Variants in ADGRL4 observed in about 807,000 individuals in gnomAD.
ADGRL4 encodes EGF, latrophilin and seven transmembrane domain containing 1.
In ADGRL4, 90 loss-of-function variants were observed where a neutral mutation model predicts 74.8. The observed-to-expected ratio is 1.20, with a 90% CI of 1.02 to 1.43. ADGRL4 has a LOEUF of 1.43. Among genes scored for constraint, ADGRL4 ranks in the 40% most tolerant of loss-of-function variants. The pLI, the probability that ADGRL4 is intolerant of heterozygous loss-of-function variation, is 0.00. For synonymous variants in ADGRL4, 311 were observed against 279.2 expected (o/e 1.11, Z -1.14); for missense variants, 881 against 814.3 (o/e 1.08, Z -1.00).
intron 2 of ADGRL4, among the ~76,000 whole-genome samples, chr1:78,968,644 T>C (rs771930213): frequency 6.6e-6 from 1 of 152,140 alleles, no homozygotes; most frequent in South Asian, 2.1e-4. Context: ...CTACTCTTTA[T>C]AGCACCTTCT....
chr1:78,978,669 T>C (rs1169637765), intron 2 of ADGRL4, among the ~76,000 whole-genome samples: 1 of 151,942 alleles, frequency 6.6e-6, no homozygotes, highest in East Asian at 1.9e-4. Context: ...ACTTTCCCAT[T>C]GTTGAAATCT....
At chr1:78,892,242 A>G (rs1437184680) in intron 13 of ADGRL4, among the ~76,000 whole-genome samples, 8 of 152,298 alleles carry the variant, frequency 5.3e-5, no homozygotes, top group South Asian at 2.1e-4. Context: ...CAATACAAAA[A>G]TATGTCAAAA....
intron 2 of ADGRL4, among the ~76,000 whole-genome samples, chr1:78,980,770 G>A (rs1446555268): frequency 2.0e-5 from 3 of 151,958 alleles, no homozygotes; most frequent in African/African-American, 7.2e-5. Flanking sequence ...CCACAGAGAT[G>A]AGAAACTACA....
chr1:78,983,914 T>A (rs1406416827), intron 2 of ADGRL4, among the ~76,000 whole-genome samples: 1 of 151,796 alleles, frequency 6.6e-6, no homozygotes, highest in Non-Finnish European at 1.5e-5. Context: ...TAGGAAAAAG[T>A]ATCTGTAAAC....
intron 12 of ADGRL4, among the ~76,000 whole-genome samples, chr1:78,908,258 C>T (rs1648686484): frequency 6.6e-6 from 1 of 151,886 alleles, no homozygotes; most frequent in Non-Finnish European, 1.5e-5. Context: ...GATCAGAAGT[C>T]CAAAGGTGAT....
At chr1:79,004,538 T>C (rs1368344068) in intron 2 of ADGRL4, among the ~76,000 whole-genome samples, 1 of 152,160 alleles carries the variant, frequency 6.6e-6, no homozygotes, top group Non-Finnish European at 1.5e-5. Context: ...TATAATCTAC[T>C]TTTTCAAAAG....
rs562450565 is a variant in ADGRL4 at position 78,940,809 on chromosome 1, C to T, written c.326-1551G>A. Among the ~76,000 whole-genome samples, 25 of 152,090 alleles carry T rather than the reference C, an allele frequency of 1.6e-4. 1 individual carries two copies. In the South Asian group the frequency reaches 3.5e-3, roughly 22 times the overall value. On this transcript the variant is annotated intron_variant, in intron 3 of 14. Transcript: ENST00000370742. ...GCTAGTTATCTTAAATGCAGGTGTT[C>T]GTAATTTCTCACTCAAAAATCCAAC...
At position 78,921,734 on chromosome 1, in the gene ADGRL4, GT is replaced by G; in HGVS notation, c.1135del (p.Thr379ProfsTer2). On this transcript the variant is annotated frameshift_variant, in exon 9 of 15. Coordinates refer to ENST00000370742, the MANE Select transcript of ADGRL4 (RefSeq NM_022159.4). LOFTEE classifies it high-confidence loss of function. ...LCAFWNYSPD[T>X]MNGSWSSEGC... is the part of the protein sequence containing the mutation. ...CTCTGAAGACCAGCTGCCATTCATG[GT>G]ATCAGGTGAGTAATTCCAAAATGCA... 2 of 1,602,104 alleles carry G rather than the reference GT, an allele frequency of 1.2e-6. No individual in the cohort carries two copies. The highest frequency in any genetic ancestry group is 1.7e-6 in the Non-Finnish European group (2 of 1,174,172).
intron 1 of ADGRL4, among the ~76,000 whole-genome samples, chr1:79,006,010 T>C (rs1557528321): frequency 1.3e-5 from 2 of 152,336 alleles, no homozygotes; most frequent in Admixed American, 6.5e-5. Flanking sequence ...TGTTGTGGAC[T>C]GATAGGAAAA....
intron 2 of ADGRL4, among the ~76,000 whole-genome samples, chr1:78,954,666 G>A (rs1010643035): frequency 6.6e-6 from 1 of 152,008 alleles, no homozygotes; most frequent in Non-Finnish European, 1.5e-5. Context: ...CAATATTAAA[G>A]TAGAATTTAA....
At chr1:78,936,550 T>C in intron 6 of ADGRL4, 139 bp from the exon 7 acceptor site, 1 of 811,690 alleles carries the variant, frequency 1.2e-6, no homozygotes, top group Non-Finnish European at 1.8e-6. Context: ...ACATTCTTAA[T>C]GTGTTTGGAC....
chr1:79,001,001 T>C (rs1650828093), intron 2 of ADGRL4, among the ~76,000 whole-genome samples: 1 of 152,020 alleles, frequency 6.6e-6, no homozygotes, highest in Non-Finnish European at 1.5e-5. Flanking sequence ...AACATACATA[T>C]AATATTCGTG....
At chr1:78,964,042 C>T (rs575137942) in intron 2 of ADGRL4, among the ~76,000 whole-genome samples, 5 of 152,256 alleles carry the variant, frequency 3.3e-5, no homozygotes, top group African/African-American at 7.2e-5. Flanking sequence ...TGTGTGAAGA[C>T]GATTTAACTA....
At chr1:78,908,033 C>T (rs776987419) in intron 12 of ADGRL4, among the ~76,000 whole-genome samples, 35 of 151,968 alleles carry the variant, frequency 2.3e-4, no homozygotes, top group Non-Finnish European at 3.4e-4. Context: ...GACCAAGCCA[C>T]GCAGACTGTC....
chr1:78,980,418 G>T (rs1650375070), intron 2 of ADGRL4, among the ~76,000 whole-genome samples: 1 of 151,802 alleles, frequency 6.6e-6, no homozygotes, highest in Non-Finnish European at 1.5e-5. Context: ...AAAAAAAACT[G>T]TCTCTTACAA....
At chr1:78,960,444 T>A (rs1242969482) in intron 2 of ADGRL4, among the ~76,000 whole-genome samples, 1 of 152,148 alleles carries the variant, frequency 6.6e-6, no homozygotes, top group Non-Finnish European at 1.5e-5. Context: ...CTTGAAACAA[T>A]AATTATAGCC....
chr1:78,980,161 C>T (rs371598675), intron 2 of ADGRL4, among the ~76,000 whole-genome samples: 79 of 151,816 alleles, frequency 5.2e-4, no homozygotes, highest in East Asian at 2.9e-3. Flanking sequence ...AAGACTCATG[C>T]GTGTGCACAC....
intron 4 of ADGRL4, 108 bp downstream of exon 4, chr1:78,939,080 C>T: frequency 7.5e-7 from 1 of 1,331,660 alleles, no homozygotes; most frequent in African/African-American, 1.5e-5. Flanking sequence ...TTTCGACTCT[C>T]CCTAAAGTTT....
intron 2 of ADGRL4, among the ~76,000 whole-genome samples, chr1:78,969,810 T>A (rs1475275247): frequency 3.9e-5 from 6 of 152,076 alleles, no homozygotes. Flanking sequence ...TTCACCTACA[T>A]TTTAGAGTAA....
Sources: allele counts gnomAD v4.1 joint callset (sites outside exome capture counted in the v4.1 genomes callset), GRCh38; gene constraint gnomAD v4.1.1; transcripts MANE v1.5; gene names NCBI Gene and HGNC (gene_info 2026-07-23, HGNC 2026-07-21).